The following CEP85L variants were observed in gnomAD, a reference collection of about 807,000 sequenced individuals.
The protein encoded by CEP85L is centrosomal protein of 85 kDa-like.
CEP85L carries 60 observed loss-of-function variants against 100.3 expected under a neutral mutation model. That is an observed-to-expected ratio of 0.60 (90% CI 0.49 to 0.74). CEP85L has a LOEUF of 0.74. Ranked by LOEUF, CEP85L falls within the 30% of genes least tolerant of loss-of-function variation. The pLI, the probability that CEP85L is intolerant of heterozygous loss-of-function variation, is 0.00. For synonymous variants in CEP85L, 319 were observed against 322.7 expected (o/e 0.99, Z 0.12); for missense variants, 973 against 936.2 (o/e 1.04, Z -0.51).
chr6:118,485,477 G>A (rs1434307618), intron 6 of CEP85L, among the ~76,000 whole-genome samples: 1 of 152,172 alleles, frequency 6.6e-6, no homozygotes, highest in African/African-American at 2.4e-5. Flanking sequence ...CTGGTAAGGA[G>A]CAACACTGGT....
At chr6:118,600,340 T>C (rs1781704656) in intron 2 of CEP85L, among the ~76,000 whole-genome samples, 1 of 129,626 alleles carries the variant, frequency 7.7e-6, no homozygotes, top group African/African-American at 2.8e-5. Flanking sequence ...TGTGTGTGTG[T>C]GTGTGTGTGT....
rs1246178863 is a variant in CEP85L, at chr6:118,664,189, C to G, written c.-27-11381G>C. 2.0e-5 allele frequency among the ~76,000 whole-genome samples: 3 copies of G among 152,144 alleles called. No individual in the cohort carries two copies. In the East Asian group the frequency reaches 5.8e-4, roughly 29 times the overall value. On this transcript the variant is annotated intron_variant, in intron 1 of 13. Transcript: ENST00000368488. Reference sequence around the variant, plus strand: ...GAGATCATGGTATAAGCCACTGCACCTGGCCTTTTTCCAAACAGTTATAAT... The same window carrying G: ...GAGATCATGGTATAAGCCACTGCACGTGGCCTTTTTCCAAACAGTTATAAT...
intron 2 of CEP85L, among the ~76,000 whole-genome samples, chr6:118,570,387 C>T (rs1308543557): frequency 2.0e-5 from 3 of 152,160 alleles, no homozygotes; most frequent in Admixed American, 6.5e-5. Flanking sequence ...TCCTCTAAGA[C>T]CCAGTTTGGC....
At chr6:118,672,488 C>T (rs1296994961) in intron 1 of CEP85L, among the ~76,000 whole-genome samples, 1 of 152,074 alleles carries the variant, frequency 6.6e-6, no homozygotes, top group Non-Finnish European at 1.5e-5. Context: ...GCCCCATGGC[C>T]AGCCATTGTG....
chr6:118,586,729 C>T (rs1780884762), intron 2 of CEP85L, among the ~76,000 whole-genome samples: 1 of 152,094 alleles, frequency 6.6e-6, no homozygotes, highest in Non-Finnish European at 1.5e-5. Flanking sequence ...TCAGTCTCAC[C>T]CCTACCTCAA....
upstream of CEP85L, among the ~76,000 whole-genome samples, chr6:118,654,271 A>G (rs1268015442): frequency 1.3e-5 from 2 of 152,190 alleles, no homozygotes; most frequent in Non-Finnish European, 2.9e-5. Flanking sequence ...ACAGAGCAAA[A>G]CCCTGCCTCT....
intron 1 of CEP85L, among the ~76,000 whole-genome samples, chr6:118,657,530 G>A (rs1235297627): frequency 6.6e-6 from 1 of 152,192 alleles, no homozygotes; most frequent in African/African-American, 2.4e-5. Context: ...TGAGGCATGA[G>A]AACTGCTTGA....
At position 118,564,843 on chromosome 6, in the gene CEP85L, C is replaced by G. The variant is rs1779411651; in HGVS notation, c.1020+686G>C. Among the ~76,000 whole-genome samples, 3 of 152,048 alleles carry G rather than the reference C, an allele frequency of 2.0e-5. 1 individual carries two copies. Among genetic ancestry groups the G allele is most frequent in the Admixed American group, 2.0e-4 (3 of 15,268 alleles). On this transcript the variant is annotated intron_variant, in intron 3 of 12. Transcript: ENST00000368491. ...GTTAAAACAAGCTACAGAAAATTGTCTTGGAATAGAAACATTCCCAGATTA... is the reference window on the plus strand; with the variant it reads ...GTTAAAACAAGCTACAGAAAATTGTGTTGGAATAGAAACATTCCCAGATTA...
Position 118,505,606 on chromosome 6 carries a change from T to C in CEP85L, c.1257+5692A>G, listed in dbSNP as rs143818502. ...ATATAGAGGAAACTTAAATGCATAC[T>C]ACTAAGTGAAAGAAGCCAGTTTAAA... On this transcript the variant is annotated intron_variant, in intron 5 of 12. Coordinates refer to ENST00000368491, the MANE Select transcript of CEP85L (RefSeq NM_001042475.3). Among the ~76,000 whole-genome samples the C allele has an allele frequency of 5.3e-5, 8 of 152,194 alleles. 1 individual carries two copies. In the East Asian group the frequency reaches 1.5e-3, roughly 29 times the overall value.
intron 3 of CEP85L, among the ~76,000 whole-genome samples, chr6:118,555,617 T>G (rs1222113542): frequency 6.6e-6 from 1 of 152,156 alleles, no homozygotes; most frequent in Non-Finnish European, 1.5e-5. Context: ...CAAAAGTCAT[T>G]AAATATATGT....
Position 118,651,536 on chromosome 6 carries a change from C to A in CEP85L, c.-267G>T. 1 of 1,260,400 alleles carries A rather than the reference C, an allele frequency of 7.9e-7. No individual in the cohort carries two copies. Among genetic ancestry groups the A allele is most frequent in the Non-Finnish European group, 1.0e-6 (1 of 1,002,502 alleles). 78.1% of individuals were successfully genotyped at this position (1,260,400 alleles called of 1,614,324 possible). On this transcript the variant is annotated 5_prime_UTR_variant, in exon 1 of 13. Transcript: ENST00000368491. ...GACTCGGCGGTGACGGCTGCTAGATCCCCGGCTGAGCCCAGGCTCAAAGGC... is the reference window on the plus strand; with the variant it reads ...GACTCGGCGGTGACGGCTGCTAGATACCCGGCTGAGCCCAGGCTCAAAGGC...
At chr6:118,500,633 A>C (rs1273675931) in intron 5 of CEP85L, among the ~76,000 whole-genome samples, 1 of 152,088 alleles carries the variant, frequency 6.6e-6, no homozygotes, top group African/African-American at 2.4e-5. Context: ...CCTTCTTCCA[A>C]TTATACTCTT....
At chr6:118,667,873 G>A (rs1776180640) in intron 1 of CEP85L, among the ~76,000 whole-genome samples, 1 of 152,164 alleles carries the variant, frequency 6.6e-6, no homozygotes. Context: ...TACTGCAAAA[G>A]CTGAGAATTC....
At chr6:118,470,756 C>CCATCCCCTTG in intron 10 of CEP85L, 112 bp from the exon 11 acceptor site, 1 of 509,574 alleles carries the variant, frequency 2.0e-6, no homozygotes, top group Non-Finnish European at 3.4e-6. Context: ...TCTTTCCTCC[C>CCATCCCCTTG]CATCCCCTTG....
At chr6:118,623,123 T>C (rs1475218612) in intron 2 of CEP85L, among the ~76,000 whole-genome samples, 4 of 152,228 alleles carry the variant, frequency 2.6e-5, no homozygotes, top group African/African-American at 4.8e-5. Flanking sequence ...ACCCGTAAGA[T>C]GGCCAAATCC....
intron 2 of CEP85L, among the ~76,000 whole-genome samples, chr6:118,572,916 G>C (rs1251351921): frequency 6.6e-6 from 1 of 152,046 alleles, no homozygotes; most frequent in East Asian, 1.9e-4. Flanking sequence ...CAAAAAATTA[G>C]CCGGGCGCAG....
At position 118,691,928 on chromosome 6, in the gene CEP85L, A is replaced by G. The variant is rs145275388; in HGVS notation, c.-28+18108T>C. On this transcript the variant is annotated intron_variant, in intron 1 of 13. Coordinates refer to the CEP85L transcript ENST00000368488. ...TACCTGCACTTGGAAGATGCCTAAT[A>G]CTTGCTATGTCTACTTGGAGTAGGA... is the stretch of plus-strand genomic sequence containing the variant. Among the ~76,000 whole-genome samples the G allele has an allele frequency of 3.2e-4, 49 of 152,218 alleles. No homozygotes were observed. In the East Asian group the frequency reaches 8.5e-3, roughly 26 times the overall value.
intron 1 of CEP85L, among the ~76,000 whole-genome samples, chr6:118,684,690 G>A (rs2114274987): frequency 6.6e-6 from 1 of 152,214 alleles, no homozygotes; most frequent in African/African-American, 2.4e-5. Flanking sequence ...AGTCTGTCGT[G>A]GCATGTGGGT....
At chr6:118,704,311 A>C (rs1227000918) in intron 1 of CEP85L, among the ~76,000 whole-genome samples, 1 of 152,186 alleles carries the variant, frequency 6.6e-6, no homozygotes, top group Admixed American at 6.5e-5. Context: ...TGCCTATAAT[A>C]AAATGTTATA....
Sources: gnomAD v4.1 joint callset for allele counts (sites outside exome capture counted in the v4.1 genomes callset) on GRCh38, gnomAD v4.1.1 for gene constraint, MANE v1.5 for transcripts, NCBI Gene and HGNC (gene_info 2026-07-23, HGNC 2026-07-21) for gene names.